Variants in RFTN2 observed in about 807,000 individuals in gnomAD.
RFTN2 encodes the protein raftlin family member 2, also known as raftlin-2.
Under a neutral mutation model 52.7 loss-of-function variants are expected in RFTN2, and 34 were observed. The ratio of observed to expected loss-of-function variants is 0.64; its 90% CI spans 0.49 to 0.86. The LOEUF (loss-of-function observed/expected upper bound fraction) is 0.86, where lower values mean the gene tolerates loss of function less well. Ranked by LOEUF, RFTN2 falls within the 40% of genes least tolerant of loss-of-function variation. RFTN2 has a pLI of 0.00. For missense variants in RFTN2, 536 were observed against 600.1 expected, an observed-to-expected ratio of 0.89 and a Z score of 1.12; for synonymous variants, 203 against 217.7, an observed-to-expected ratio of 0.93 and a Z score of 0.59.
At chr2:197,640,125 A>C (rs2088638345) in intron 3 of RFTN2, among the ~76,000 whole-genome samples, 1 of 152,200 alleles carries the variant, frequency 6.6e-6, no homozygotes, top group African/African-American at 2.4e-5. Flanking sequence ...TGCTGGGAGA[A>C]CCACTGCTCT....
At chr2:197,647,285 C>T (rs2088767160) in intron 1 of RFTN2, among the ~76,000 whole-genome samples, 1 of 151,980 alleles carries the variant, frequency 6.6e-6, no homozygotes, top group South Asian at 2.1e-4. Flanking sequence ...TGCAGTGGCA[C>T]AATCGTGGCT....
intron 1 of RFTN2, among the ~76,000 whole-genome samples, chr2:197,655,166 T>G (rs2088876927): frequency 6.6e-6 from 1 of 152,156 alleles, no homozygotes; most frequent in Non-Finnish European, 1.5e-5. Context: ...AAAGCAGAAT[T>G]ATACAACATG....
At chr2:197,618,605 GTC>G (rs928873733) in intron 5 of RFTN2, among the ~76,000 whole-genome samples, 10 of 151,574 alleles carry the variant, frequency 6.6e-5, no homozygotes, top group African/African-American at 1.9e-4. Context: ...AGTGAGGAGT[GTC>G]TCTGCCCGGC....
At chr2:197,659,208 T>C (rs909151345) in intron 1 of RFTN2, among the ~76,000 whole-genome samples, 2 of 152,114 alleles carry the variant, frequency 1.3e-5, no homozygotes, top group Admixed American at 6.6e-5. Context: ...GAAATACTTA[T>C]GAAATATTAG....
intron 8 of RFTN2, among the ~76,000 whole-genome samples, chr2:197,573,741 G>A (rs1300381714): frequency 2.6e-5 from 4 of 152,208 alleles, no homozygotes; most frequent in Non-Finnish European, 4.4e-5. Flanking sequence ...AGGCCTAGGA[G>A]GAAAAAATGT....
rs113977107 is a variant in RFTN2 at position 197,600,209 on chromosome 2, C to T, written c.1155-4140G>A. On this transcript the variant is annotated intron_variant, in intron 7 of 8. Coordinates refer to ENST00000295049, the MANE Select transcript of RFTN2 (RefSeq NM_144629.3). ...GTTGAAACTGACGAGTAATGCCTTC[C>T]AGTGGCCCTATGGGGAGTGCTGTTT... Among the ~76,000 whole-genome samples, 1,393 of 152,218 alleles carry T rather than the reference C, an allele frequency of 9.2e-3. 27 individuals carry two copies. Among genetic ancestry groups the T allele is most frequent in the African/African-American group, 0.032 (1,325 of 41,518 alleles).
Position 197,645,940 on chromosome 2 carries a change from C to T in RFTN2, c.323+543G>A, listed in dbSNP as rs185900226. ...ACTTGGGAGGCTGAGGCAGAAGAAT[C>T]GCTTGAACCCGGGAGGCAGAGGTTA... On this transcript the variant is annotated intron_variant, in intron 2 of 8. Transcript: ENST00000295049. 1.1e-3 allele frequency among the ~76,000 whole-genome samples: 163 copies of T among 152,098 alleles called. 2 individuals are homozygous for T. Among genetic ancestry groups the T allele is most frequent in the South Asian group, 0.01 (49 of 4,824 alleles).
At chr2:197,616,856 TG>T (rs1257272355) in intron 6 of RFTN2, among the ~76,000 whole-genome samples, 2 of 152,208 alleles carry the variant, frequency 1.3e-5, no homozygotes, top group Admixed American at 1.3e-4. Flanking sequence ...TCTTTGAAAA[TG>T]GGCTATGTCT....
intron 8 of RFTN2, among the ~76,000 whole-genome samples, chr2:197,589,710 T>A (rs2087667582): frequency 6.6e-6 from 1 of 152,190 alleles, no homozygotes; most frequent in South Asian, 2.1e-4. Flanking sequence ...GGTTCTTTTC[T>A]TACTCTTCAA....
intron 3 of RFTN2, among the ~76,000 whole-genome samples, chr2:197,634,699 AT>A (rs56902894): frequency 0.051 from 7,281 of 141,430 alleles, 240 homozygotes; most frequent in African/African-American, 0.1. Context: ...TTTATTTTTT[AT>A]TTTTTTTTTA....
At chr2:197,577,785 C>G (rs1574674247) in intron 8 of RFTN2, among the ~76,000 whole-genome samples, 1 of 152,208 alleles carries the variant, frequency 6.6e-6, no homozygotes, top group African/African-American at 2.4e-5. Context: ...AGAGTCATTA[C>G]TATTTACAAT....
chr2:197,631,814 T>C (rs1051188259), intron 4 of RFTN2, among the ~76,000 whole-genome samples: 2 of 152,168 alleles, frequency 1.3e-5, no homozygotes, highest in South Asian at 2.1e-4. Context: ...TTACTAGGAA[T>C]TGGCAAATTC....
At chr2:197,642,351 A>G (rs1055584748) in intron 3 of RFTN2, among the ~76,000 whole-genome samples, 31 of 152,234 alleles carry the variant, frequency 2.0e-4, no homozygotes, top group African/African-American at 7.2e-4. Flanking sequence ...TGGAAAAGAA[A>G]CACCTTTCAC....
At chr2:197,618,899 C>G (rs1025723897) in intron 5 of RFTN2, among the ~76,000 whole-genome samples, 1 of 151,856 alleles carries the variant, frequency 6.6e-6, no homozygotes, top group African/African-American at 2.4e-5. Flanking sequence ...GCAGCCACCC[C>G]GTCTGGGAAG....
At chr2:197,585,219 T>C (rs2106172983) in intron 8 of RFTN2, among the ~76,000 whole-genome samples, 1 of 152,308 alleles carries the variant, frequency 6.6e-6, no homozygotes, top group African/African-American at 2.4e-5. Flanking sequence ...TATTCATCCT[T>C]ACCCTACTTT....
At chr2:197,594,015 CTTTTTTTT>C (rs11352058) in intron 8 of RFTN2, among the ~76,000 whole-genome samples, 1 of 95,994 alleles carries the variant, frequency 1.0e-5, no homozygotes, top group African/African-American at 4.4e-5. Flanking sequence ...CAGAATATTT[CTTTTTTTT>C]TTTTTTTTTT....
chr2:197,624,062 G>T (rs1411309308), intron 5 of RFTN2, among the ~76,000 whole-genome samples: 1 of 152,098 alleles, frequency 6.6e-6, no homozygotes. Flanking sequence ...GCCTCCCAAA[G>T]TGCTGGGATT....
chr2:197,637,479 G>A (rs2088587527), intron 3 of RFTN2, among the ~76,000 whole-genome samples: 1 of 152,150 alleles, frequency 6.6e-6, no homozygotes, highest in South Asian at 2.1e-4. Flanking sequence ...GAGAGTGTAT[G>A]TGTTGAGGAA....
At chr2:197,589,237 A>G (rs2087656365) in intron 8 of RFTN2, among the ~76,000 whole-genome samples, 1 of 148,512 alleles carries the variant, frequency 6.7e-6, no homozygotes, top group Non-Finnish European at 1.5e-5. Context: ...AAAAAAAAAA[A>G]AAAAAAAAAA....
Sources: gnomAD v4.1 joint callset for allele counts (sites outside exome capture counted in the v4.1 genomes callset) on GRCh38, gnomAD v4.1.1 for gene constraint, MANE v1.5 for transcripts, NCBI Gene and HGNC (gene_info 2026-07-23, HGNC 2026-07-21) for gene names.